NUCB2: variants seen among roughly 807,000 people sequenced by gnomAD.
NUCB2 encodes nucleobindin-2.
NUCB2 carries 48 observed loss-of-function variants against 57.9 expected under a neutral mutation model. The ratio of observed to expected loss-of-function variants is 0.83; its 90% CI spans 0.66 to 1.05. NUCB2 has a LOEUF of 1.05. NUCB2 is among the 50% of genes least tolerant of loss of function. The probability of loss-of-function intolerance (pLI) is 0.00; values close to 1 mark genes in which losing one functional copy is unlikely to be tolerated. For synonymous variants in NUCB2, 139 were observed against 152.1 expected, an observed-to-expected ratio of 0.91 and a Z score of 0.64; for missense variants, 442 against 476.2, an observed-to-expected ratio of 0.93 and a Z score of 0.67.
Position 17,314,730 on chromosome 11 carries a change from A to G in NUCB2, c.913-656A>G, listed in dbSNP as rs570775907. ...ATATGCAGGGTAACTGAATCCCACT[A>G]TTTTGCTTCAGTAACTTTCATCTGA... On this transcript the variant is annotated intron_variant, in intron 10 of 13. Coordinates refer to ENST00000529010, the MANE Select transcript of NUCB2 (RefSeq NM_005013.4). Among the ~76,000 whole-genome samples the G allele has an allele frequency of 3.9e-5, 6 of 152,258 alleles. No homozygotes were observed. The East Asian group carries it at 1.2e-3, about 29-fold the overall frequency.
In NUCB2 at chr11:17,330,750, T is replaced by C. The variant is rs1951292999; in HGVS notation, c.1174-152T>C. 60 of 639,878 alleles carry C rather than the reference T, an allele frequency of 9.4e-5. 1 individual carries two copies. In the South Asian group the frequency reaches 1.1e-3, roughly 12 times the overall value. The allele number at this position is 639,878 out of a possible 1,614,324, so 39.6% of individuals were successfully genotyped here. On this transcript the variant is annotated intron_variant, in intron 12 of 13. Transcript: ENST00000529010. The surrounding 1 kb of genome is among the most constrained non-coding windows in gnomAD (Gnocchi z 4.3). The stretch of plus-strand genomic sequence containing the variant: ...TCTGAAATTGTTGGGACTATAGGCG[T>C]GAGCCACTGCACCTAGTCAAATCTA...
At chr11:17,319,847 C>T (rs570213814) in intron 11 of NUCB2, among the ~76,000 whole-genome samples, 5 of 151,928 alleles carry the variant, frequency 3.3e-5, no homozygotes, top group Admixed American at 6.6e-5. Flanking sequence ...GTATTAAGCC[C>T]TCATACCCAT....
At chr11:17,322,962 A>G (rs1272640411) in intron 11 of NUCB2, among the ~76,000 whole-genome samples, 1 of 151,876 alleles carries the variant, frequency 6.6e-6, no homozygotes, top group African/African-American at 2.4e-5. Context: ...TATCGGTTCT[A>G]ATAGTTTTTT....
chr11:17,292,158 T>G (rs1945053080), intron 2 of NUCB2, among the ~76,000 whole-genome samples: 1 of 152,170 alleles, frequency 6.6e-6, no homozygotes, highest in South Asian at 2.1e-4. Flanking sequence ...ATTTAAAATT[T>G]TTTTTATTTT....
Position 17,343,838 on chromosome 11 carries a change from C to G in NUCB2, n.2627-5507C>G, listed in dbSNP as rs973353589. ...TAGTAATATATCTTAGAATTTGCATCTTAATTTTTTTCTAACTAAATCTCA... is the reference window on the plus strand; with the variant it reads ...TAGTAATATATCTTAGAATTTGCATGTTAATTTTTTTCTAACTAAATCTCA... On this transcript the variant is annotated intron_variant and non_coding_transcript_variant, in intron 2 of 2. Coordinates refer to the NUCB2 transcript ENST00000532240. Among the ~76,000 whole-genome samples the G allele has an allele frequency of 5.3e-5, 8 of 152,176 alleles. No individual in the cohort carries two copies. In the East Asian group the frequency reaches 1.5e-3, roughly 29 times the overall value.
chr11:17,328,471 TG>T (rs1950970378), intron 11 of NUCB2, among the ~76,000 whole-genome samples: 1 of 152,164 alleles, frequency 6.6e-6, no homozygotes. Context: ...GCAATTTACC[TG>T]ATGTTCAGTT....
chr11:17,306,938 A>C (rs1321890544), intron 5 of NUCB2, among the ~76,000 whole-genome samples: 1 of 151,982 alleles, frequency 6.6e-6, no homozygotes, highest in African/African-American at 2.4e-5. Flanking sequence ...AAAAGAAAAC[A>C]GTCTGATGTA....
chr11:17,345,466 TG>T (rs1410886883), intron 2 of NUCB2, among the ~76,000 whole-genome samples: 1 of 152,192 alleles, frequency 6.6e-6, no homozygotes, highest in Non-Finnish European at 1.5e-5. Flanking sequence ...CCCAGTACTT[TG>T]GGAGGCCAAG....
chr11:17,295,300 AC>A, intron 2 of NUCB2, 23 bp from the exon 3 acceptor site: 1 of 1,593,196 alleles, frequency 6.3e-7, no homozygotes, highest in Non-Finnish European at 8.5e-7. Context: ...TCATGACTTT[AC>A]CATAATTACT....
chr11:17,293,630 GA>G lies in NUCB2; in HGVS notation c.1-1691del, dbSNP rs1339891868. Among the ~76,000 whole-genome samples, 4 of 152,230 alleles carry G rather than the reference GA, an allele frequency of 2.6e-5. No individual in the cohort carries two copies. In the East Asian group the frequency reaches 7.7e-4, roughly 29 times the overall value. ...AAGTATTATTCAAAACTGCCTGAAAGAAACAATCCAAATGTCCATCAGTTCA... is the reference window on the plus strand; with the variant it reads ...AAGTATTATTCAAAACTGCCTGAAAGAACAATCCAAATGTCCATCAGTTCA... On this transcript the variant is annotated intron_variant, in intron 2 of 13. Coordinates refer to ENST00000529010, the MANE Select transcript of NUCB2 (RefSeq NM_005013.4).
At chr11:17,345,847 A>G (rs952739299) in intron 2 of NUCB2, among the ~76,000 whole-genome samples, 3 of 152,196 alleles carry the variant, frequency 2.0e-5, no homozygotes, top group African/African-American at 7.2e-5. Context: ...TTTTAAAACT[A>G]TAAATAAATA....
rs1023297170 is a variant in NUCB2, at chr11:17,298,610, C to T, written c.252+2399C>T. ...AAATGAGTAAAACTAGACAATAAAA[C>T]GCAAACCAATAGAATCATCACAAAT... On this transcript the variant is annotated intron_variant, in intron 4 of 13. Coordinates refer to ENST00000529010, the MANE Select transcript of NUCB2 (RefSeq NM_005013.4). Among the ~76,000 whole-genome samples, 29 of 151,448 alleles carry T rather than the reference C, an allele frequency of 1.9e-4. 1 individual carries two copies. The highest frequency in any genetic ancestry group is 2.9e-5 in the Non-Finnish European group (2 of 67,880).
In NUCB2 at chr11:17,295,335, G is replaced by T; in HGVS notation, c.12G>T (p.Arg4Ser). 6.2e-7 allele frequency: 1 copy of T among 1,610,450 alleles called. No homozygotes were observed. Among genetic ancestry groups the T allele is most frequent in the South Asian group, 1.1e-5 (1 of 90,664 alleles). Residue 4 changes from arginine (R) to serine (S), a missense_variant, in exon 3 of 14, where the codon AGG becomes AGT. Transcript: ENST00000529010. ...CTCCTTTATTTCAGATGAGGTGGAG[G>T]ACCATCCTGCTACAGTATTGCTTTC... MRWRTILLQYCFLL... is the reference protein window; with the variant it reads MRWSTILLQYCFLL...
downstream of NUCB2, among the ~76,000 whole-genome samples, chr11:17,337,069 T>C (rs1357248935): frequency 6.6e-6 from 1 of 152,078 alleles, no homozygotes; most frequent in Non-Finnish European, 1.5e-5. Flanking sequence ...GCTTCCTGAA[T>C]AGCTGGGACT....
downstream of NUCB2, among the ~76,000 whole-genome samples, chr11:17,335,564 C>T (rs950261838): frequency 6.6e-5 from 10 of 152,004 alleles, no homozygotes; most frequent in East Asian, 1.9e-4. Flanking sequence ...TGCAGTAGTG[C>T]GATCTCGGCT....
intron 2 of NUCB2, among the ~76,000 whole-genome samples, chr11:17,288,964 T>A (rs1283005291): frequency 2.7e-5 from 2 of 73,506 alleles, no homozygotes; most frequent in Non-Finnish European, 5.4e-5. Context: ...TATATATATA[T>A]TTTTTTTTTT....
chr11:17,321,516 G>A (rs1018978717), intron 11 of NUCB2, among the ~76,000 whole-genome samples: 7 of 152,128 alleles, frequency 4.6e-5, no homozygotes, highest in African/African-American at 1.4e-4. Context: ...TGGATGCTTA[G>A]CTTGCTTCCA....
intron 11 of NUCB2, among the ~76,000 whole-genome samples, chr11:17,320,355 AGTTTAAATTTT>A (rs1176926028): frequency 6.6e-6 from 1 of 152,208 alleles, no homozygotes; most frequent in Non-Finnish European, 1.5e-5. Context: ...GTAAAATAAG[AGTTTAAATTTT>A]GTTTAGATTT....
intron 6 of NUCB2, 22 bp downstream of exon 6, chr11:17,309,697 T>C (rs1461024544): frequency 6.8e-7 from 1 of 1,472,200 alleles, no homozygotes; most frequent in African/African-American, 1.4e-5. Flanking sequence ...TCCAAAAAGT[T>C]TTGTCTTTAT....
Sources: gnomAD v4.1 joint callset for allele counts (sites outside exome capture counted in the v4.1 genomes callset) on GRCh38, gnomAD v4.1.1 for gene constraint, Gnocchi (gnomAD v3.1) non-coding constraint, MANE v1.5 for transcripts, NCBI Gene and HGNC (gene_info 2026-07-23, HGNC 2026-07-21) for gene names.